The following MED26 variants were observed in gnomAD, a reference collection of about 807,000 sequenced individuals.
MED26 encodes mediator of RNA polymerase II transcription subunit 26.
In MED26, 7 loss-of-function variants were observed where a neutral mutation model predicts 43.7. The ratio of observed to expected loss-of-function variants is 0.16; its 90% CI spans 0.09 to 0.30. The LOEUF is 0.30. MED26 is among the 10% of genes least tolerant of loss of function. The pLI is 1.00. For missense variants in MED26, 784 were observed against 840.6 expected (o/e 0.93, Z 0.83); for synonymous variants, 375 against 371.1 (o/e 1.01, Z -0.12).
chr19:16,591,269 C>T (rs772854882), intron 1 of MED26, among the ~76,000 whole-genome samples: 32 of 151,858 alleles, frequency 2.1e-4, no homozygotes, highest in African/African-American at 6.3e-4. Context: ...CTCCTTCTCT[C>T]CTCAGTAGAA....
At chr19:16,589,055 A>C (rs1380483463) in intron 1 of MED26, 1 of 152,736 alleles carries the variant, frequency 6.5e-6, no homozygotes, top group African/African-American at 2.4e-5. Context: ...TGAGGCTCTC[A>C]CCCAGGCTGC....
chr19:16,605,165 A>C (rs1035339173), intron 1 of MED26, among the ~76,000 whole-genome samples: 2 of 152,260 alleles, frequency 1.3e-5, no homozygotes, highest in Non-Finnish European at 2.9e-5. Flanking sequence ...CTAAATAAAA[A>C]GACAAATGTG....
intron 1 of MED26, among the ~76,000 whole-genome samples, chr19:16,627,348 T>TG (rs1433323881): frequency 2.6e-5 from 4 of 151,960 alleles, no homozygotes; most frequent in Admixed American, 6.6e-5. Flanking sequence ...CAAAACAGAC[T>TG]GGGGGTTCTC....
chr19:16,581,687 A>AT (rs2086046272), intron 1 of MED26, among the ~76,000 whole-genome samples: 1 of 152,234 alleles, frequency 6.6e-6, no homozygotes. Flanking sequence ...TCACCGCTGA[A>AT]CTAACAGCCA....
chr19:16,577,947 G>A lies in MED26; in HGVS notation c.148-265C>T. On this transcript the variant is annotated intron_variant, in intron 2 of 2. Coordinates refer to ENST00000263390, the MANE Select transcript of MED26 (RefSeq NM_004831.5). This position sits in a 1 kb window ranked among gnomAD's most constrained non-coding sequence, Gnocchi z 8.1. ...CAGGCTCCTGGTGTCAGGGGGCTGT[G>A]GACCATCAAGGCCACTGTAAGGACA... 2.1e-6 allele frequency: 1 copy of A among 473,116 alleles called. No individual in the cohort carries two copies. The highest frequency in any genetic ancestry group is 3.7e-6 in the Non-Finnish European group (1 of 268,148). The allele number at this position is 473,116 out of a possible 1,614,324, so 29.3% of individuals were successfully genotyped here. A position where few individuals can be genotyped will look rare whatever the true frequency, so the allele number is the denominator to read the frequency against.
chr19:16,591,224 C>T (rs996641076), intron 1 of MED26, among the ~76,000 whole-genome samples: 26 of 152,176 alleles, frequency 1.7e-4, no homozygotes, highest in African/African-American at 6.3e-4. Context: ...TGGGTTTGTC[C>T]TCCCTGGGGA....
chr19:16,584,368 T>C (rs1205201878), intron 1 of MED26, among the ~76,000 whole-genome samples: 1 of 149,042 alleles, frequency 6.7e-6, no homozygotes, highest in Admixed American at 6.6e-5. Flanking sequence ...GGCTGGCACC[T>C]TTGTCCCCAG....
At chr19:16,612,186 CAT>C (rs1263320167) in intron 1 of MED26, 4 of 152,314 alleles carry the variant, frequency 2.6e-5, no homozygotes, top group East Asian at 1.9e-4. Flanking sequence ...ATTCTGCCCA[CAT>C]GTTTTTGTGC....
intron 1 of MED26, among the ~76,000 whole-genome samples, chr19:16,606,325 C>T (rs769009956): frequency 4.6e-5 from 7 of 152,110 alleles, no homozygotes; most frequent in African/African-American, 7.2e-5. Flanking sequence ...CTGAGGTGGG[C>T]GGATCACCTG....
intron 1 of MED26, among the ~76,000 whole-genome samples, chr19:16,583,698 T>TG (rs1293376560): frequency 6.6e-6 from 1 of 152,022 alleles, no homozygotes; most frequent in Non-Finnish European, 1.5e-5. Context: ...CCCAGCCGCC[T>TG]GGTACATGAA....
At chr19:16,597,990 G>C (rs1279385673) in intron 1 of MED26, among the ~76,000 whole-genome samples, 1 of 151,972 alleles carries the variant, frequency 6.6e-6, no homozygotes, top group Non-Finnish European at 1.5e-5. Flanking sequence ...CTCCCAAAGT[G>C]CTGGGATTAC....
At chr19:16,617,507 G>A (rs1336391743) in intron 1 of MED26, among the ~76,000 whole-genome samples, 2 of 152,192 alleles carry the variant, frequency 1.3e-5, no homozygotes, top group Non-Finnish European at 2.9e-5. Flanking sequence ...CTCAGGAGCT[G>A]CTGCCTTTCC....
intron 1 of MED26, among the ~76,000 whole-genome samples, chr19:16,595,586 G>T (rs2086116598): frequency 6.6e-6 from 1 of 152,160 alleles, no homozygotes; most frequent in South Asian, 2.1e-4. Context: ...CAGTGCTCAG[G>T]TCTGACCTCA....
intron 1 of MED26, among the ~76,000 whole-genome samples, chr19:16,590,356 G>A (rs1255757826): frequency 6.6e-6 from 1 of 152,194 alleles, no homozygotes; most frequent in Admixed American, 6.5e-5. Context: ...CATGCAGCCA[G>A]CACACACCTG....
chr19:16,608,585 A>T (rs537273347), intron 1 of MED26, among the ~76,000 whole-genome samples: 1 of 152,236 alleles, frequency 6.6e-6, no homozygotes, highest in Non-Finnish European at 1.5e-5. Flanking sequence ...GGGCCATTCC[A>T]TAACACTGTC....
intron 1 of MED26, among the ~76,000 whole-genome samples, chr19:16,594,148 C>T (rs939183244): frequency 6.6e-6 from 1 of 152,230 alleles, no homozygotes; most frequent in Non-Finnish European, 1.5e-5. Flanking sequence ...AGTGGCGGCA[C>T]AGTGTGGCAA....
chr19:16,590,424 T>C (rs1345377244), intron 1 of MED26, among the ~76,000 whole-genome samples: 1 of 152,216 alleles, frequency 6.6e-6, no homozygotes, highest in Non-Finnish European at 1.5e-5. Context: ...TGCACATCTA[T>C]ACAGCGGAAA....
chr19:16,625,909 T>A (rs780068132), intron 1 of MED26, among the ~76,000 whole-genome samples: 1 of 152,156 alleles, frequency 6.6e-6, no homozygotes, highest in Non-Finnish European at 1.5e-5. Flanking sequence ...CCACCCCATG[T>A]TAGTAGGACT....
intron 2 of MED26, chr19:16,578,115 C>A: frequency 3.5e-6 from 2 of 579,006 alleles, no homozygotes; most frequent in Non-Finnish European, 6.1e-6. Context: ...CACGTGCCCA[C>A]GAAGTGTGCT....
Sources: allele counts gnomAD v4.1 joint callset (sites outside exome capture counted in the v4.1 genomes callset), GRCh38; gene constraint gnomAD v4.1.1; non-coding constraint Gnocchi (gnomAD v3.1); transcripts MANE v1.5; gene names NCBI Gene and HGNC (gene_info 2026-07-23, HGNC 2026-07-21).